Variants in HGF observed in about 807,000 individuals in gnomAD.
HGF encodes the protein fibroblast-derived tumor cytotoxic factor.
Under a neutral mutation model 111.6 loss-of-function variants are expected in HGF, and 39 were observed. The observed-to-expected ratio is 0.35, with a 90% CI of 0.27 to 0.46. HGF has a LOEUF of 0.46. Ranked by LOEUF, HGF falls within the 20% of genes least tolerant of loss-of-function variation. HGF has a pLI of 1.00. For synonymous variants in HGF, 285 were observed against 294.8 expected, an observed-to-expected ratio of 0.97 and a Z score of 0.34; for missense variants, 735 against 910.5, an observed-to-expected ratio of 0.81 and a Z score of 2.48.
chr7:81,740,381 T>C (rs372839597), intron 7 of HGF, among the ~76,000 whole-genome samples: 1 of 152,132 alleles, frequency 6.6e-6, no homozygotes, highest in East Asian at 1.9e-4. Flanking sequence ...AGTAAATACA[T>C]GTGTGGTCCC....
chr7:81,766,623 A>G (rs781089291), intron 1 of HGF, among the ~76,000 whole-genome samples: 4 of 152,146 alleles, frequency 2.6e-5, no homozygotes, highest in Non-Finnish European at 5.9e-5. Flanking sequence ...ATCTCTTCCA[A>G]GGGGATTTAC....
chr7:81,707,653 C>T (rs1471462068), intron 13 of HGF, among the ~76,000 whole-genome samples: 4 of 151,998 alleles, frequency 2.6e-5, no homozygotes, highest in African/African-American at 9.7e-5. Context: ...CACACATATT[C>T]GTGTGTATGT....
At chr7:81,746,051 C>T (rs1788234951) in intron 5 of HGF, among the ~76,000 whole-genome samples, 1 of 152,218 alleles carries the variant, frequency 6.6e-6, no homozygotes, top group Non-Finnish European at 1.5e-5. Flanking sequence ...GATCATCTAA[C>T]TTTAGCTGAA....
chr7:81,747,526 G>A (rs1403880080), intron 5 of HGF, among the ~76,000 whole-genome samples: 6 of 152,042 alleles, frequency 3.9e-5, no homozygotes, highest in African/African-American at 7.2e-5. Context: ...GCAGTTGTGG[G>A]CCTAAAAATA....
Position 81,702,007 on chromosome 7 carries a change from C to A in HGF, c.*574G>T. 1 of 176,022 alleles carries A rather than the reference C, an allele frequency of 5.7e-6. No homozygotes were observed. The highest frequency in any genetic ancestry group is 1.2e-5 in the Non-Finnish European group (1 of 81,772). 10.9% of individuals were successfully genotyped at this position (176,022 alleles called of 1,614,324 possible). A position where few individuals can be genotyped will look rare whatever the true frequency, so the allele number is the denominator to read the frequency against. ...GTACACCATAATTTAAACTGTAGTG[C>A]ATGCACATGTGTACCTAGGCATGTG... On this transcript the variant is annotated 3_prime_UTR_variant, in exon 18 of 18. Transcript: ENST00000222390.
intron 4 of HGF, chr7:81,756,844 C>A: frequency 3.3e-6 from 1 of 303,082 alleles, no homozygotes; most frequent in Non-Finnish European, 6.3e-6. Flanking sequence ...TTCTCATCTA[C>A]CTCTGATTTT....
intron 5 of HGF, among the ~76,000 whole-genome samples, chr7:81,747,171 T>C (rs1026290111): frequency 2.0e-5 from 3 of 152,102 alleles, no homozygotes; most frequent in Non-Finnish European, 4.4e-5. Flanking sequence ...ACCCCGTCTC[T>C]ACTAAAAATA....
intron 4 of HGF, among the ~76,000 whole-genome samples, chr7:81,754,740 G>A (rs1001279232): frequency 6.6e-6 from 1 of 151,440 alleles, no homozygotes; most frequent in Non-Finnish European, 1.5e-5. Context: ...TTTTTTGTTA[G>A]TGTCCCAATG....
intron 11 of HGF, among the ~76,000 whole-genome samples, chr7:81,715,821 A>G (rs1354475030): frequency 6.6e-6 from 1 of 152,178 alleles, no homozygotes; most frequent in Non-Finnish European, 1.5e-5. Flanking sequence ...CTCTTTTTAG[A>G]GTAGATATTT....
At chr7:81,751,228 TCC>T in intron 5 of HGF, 1 of 962,632 alleles carries the variant, frequency 1.0e-6, no homozygotes, top group Non-Finnish European at 1.2e-6. Flanking sequence ...ATTCCAGTAG[TCC>T]CCCTCCCCAA....
intron 11 of HGF, among the ~76,000 whole-genome samples, chr7:81,714,000 G>T (rs1199182312): frequency 7.1e-6 from 1 of 141,792 alleles, no homozygotes; most frequent in South Asian, 2.1e-4. Flanking sequence ...GTGTGTGTGT[G>T]TGTGTGTGTG....
chr7:81,710,333 CAA>C, intron 12 of HGF, 90 bp from the exon 13 acceptor site: 1 of 837,000 alleles, frequency 1.2e-6, no homozygotes, highest in Non-Finnish European at 2.1e-6. Flanking sequence ...GATAATTACA[CAA>C]ATGTAACTAT....
At chr7:81,755,808 G>T (rs1191903745) in intron 4 of HGF, 2 of 547,464 alleles carry the variant, frequency 3.7e-6, no homozygotes, top group Non-Finnish European at 3.2e-6. Context: ...CTACATAATT[G>T]TAAGTAACTA....
Position 81,707,316 on chromosome 7 carries a change from A to T in HGF, c.1590T>A (p.Leu530=), listed in dbSNP as rs772441910. The T allele has an allele frequency of 1.9e-6, 3 of 1,602,296 alleles. No individual in the cohort carries two copies. The highest frequency in any genetic ancestry group is 2.6e-6 in the Non-Finnish European group (3 of 1,169,792). The part of the protein sequence containing the change: ...GGSLIKESWV[L]TARQCFPSRD... The stretch of plus-strand genomic sequence containing the variant: ...GAGAAGGGAAACACTGTCGTGCAGT[A>T]AGAACCCAACTCTCCTTTATCAATG... Residue 530 remains leucine, a synonymous_variant, in exon 14 of 18, where the codon CTT becomes CTA. Transcript: ENST00000222390.
rs1789294406 is a variant in HGF at position 81,702,047 on chromosome 7, G to C, written c.*534C>G. On this transcript the variant is annotated 3_prime_UTR_variant, in exon 18 of 18. Transcript: ENST00000222390. ...CTAGGCATGTGTACATGGGTATGTG[G>C]TTTTGTAAAAAGTGTGTTCGTGTAC... 5.6e-6 allele frequency: 1 copy of C among 179,964 alleles called. No individual in the cohort carries two copies. Among genetic ancestry groups the C allele is most frequent in the Admixed American group, 6.1e-5 (1 of 16,398 alleles). The allele number at this position is 179,964 out of a possible 1,614,324, so 11.1% of individuals were successfully genotyped here. A position where few individuals can be genotyped will look rare whatever the true frequency, so the allele number is the denominator to read the frequency against.
At chr7:81,734,772 T>C (rs1364636638) in intron 7 of HGF, among the ~76,000 whole-genome samples, 2 of 152,154 alleles carry the variant, frequency 1.3e-5, no homozygotes, top group East Asian at 3.9e-4. Flanking sequence ...CCCAGGGCTC[T>C]GTGAGCTTCA....
intron 11 of HGF, among the ~76,000 whole-genome samples, chr7:81,716,546 T>C (rs1458683223): frequency 6.6e-6 from 1 of 152,160 alleles, no homozygotes; most frequent in Non-Finnish European, 1.5e-5. Flanking sequence ...TTATTAGCTA[T>C]ATTTTTGAAG....
chr7:81,713,476 A>G (rs578057693), intron 11 of HGF, among the ~76,000 whole-genome samples: 1 of 152,102 alleles, frequency 6.6e-6, no homozygotes, highest in African/African-American at 2.4e-5. Context: ...CAGTGAGCCG[A>G]AATTGCTCCA....
chr7:81,732,995 A>G (rs1331365928), intron 7 of HGF, among the ~76,000 whole-genome samples: 2 of 152,170 alleles, frequency 1.3e-5, no homozygotes, highest in African/African-American at 4.8e-5. Flanking sequence ...GAGGTTTCCA[A>G]CAAGATTTAA....
Sources: allele counts gnomAD v4.1 joint callset (sites outside exome capture counted in the v4.1 genomes callset), GRCh38; gene constraint gnomAD v4.1.1; transcripts MANE v1.5; gene names NCBI Gene and HGNC (gene_info 2026-07-23, HGNC 2026-07-21).